PLCXD3: variants seen among roughly 807,000 people sequenced by gnomAD.
PLCXD3 encodes phosphatidylinositol specific phospholipase C X domain containing 3, also known as PI-PLC X domain-containing protein 3.
In PLCXD3, 19 loss-of-function variants were observed where a neutral mutation model predicts 25.5. That is an observed-to-expected ratio of 0.75 (90% confidence interval 0.52 to 1.09). PLCXD3 has a LOEUF of 1.09. Among genes scored for constraint, PLCXD3 ranks in the 50% least tolerant of loss-of-function variants. The probability of loss-of-function intolerance (pLI) is 0.00; values close to 1 mark genes in which losing one functional copy is unlikely to be tolerated. For missense variants in PLCXD3, 411 were observed against 388.1 expected (o/e 1.06, Z -0.50); for synonymous variants, 174 against 137.6 (o/e 1.26, Z -1.85).
At chr5:41,323,298 A>G (rs532380108) in intron 2 of PLCXD3, among the ~76,000 whole-genome samples, 1 of 152,350 alleles carries the variant, frequency 6.6e-6, no homozygotes, top group South Asian at 2.1e-4. Context: ...AATGAGATCT[A>G]TTTGATAGCA....
chr5:41,417,334 G>A (rs1352378374), intron 1 of PLCXD3, among the ~76,000 whole-genome samples: 7 of 152,192 alleles, frequency 4.6e-5, no homozygotes. Context: ...TAAGGTGATG[G>A]TGAGTGTCTT....
At chr5:41,399,985 C>T (rs1478625133) in intron 1 of PLCXD3, among the ~76,000 whole-genome samples, 1 of 152,038 alleles carries the variant, frequency 6.6e-6, no homozygotes, top group African/African-American at 2.4e-5. Flanking sequence ...GCTCAAACAG[C>T]TGTATAGGAA....
At chr5:41,469,202 A>G (rs147877765) in intron 1 of PLCXD3, among the ~76,000 whole-genome samples, 47 of 152,308 alleles carry the variant, frequency 3.1e-4, no homozygotes, top group African/African-American at 1.1e-3. Context: ...ATATTGAACC[A>G]TTTTTGCTTC....
intron 1 of PLCXD3, among the ~76,000 whole-genome samples, chr5:41,405,681 A>C (rs940489362): frequency 1.3e-5 from 2 of 152,172 alleles, no homozygotes; most frequent in African/African-American, 4.8e-5. Context: ...TCCATTGTTC[A>C]CATGAGATAT....
At chr5:41,487,059 G>A (rs1004796758) in intron 1 of PLCXD3, among the ~76,000 whole-genome samples, 3 of 151,816 alleles carry the variant, frequency 2.0e-5, no homozygotes, top group East Asian at 1.9e-4. Flanking sequence ...CTGAAGGCAC[G>A]GTCCAATCTA....
At chr5:41,362,481 A>G (rs1247453393) in intron 2 of PLCXD3, among the ~76,000 whole-genome samples, 1 of 152,198 alleles carries the variant, frequency 6.6e-6, no homozygotes, top group Non-Finnish European at 1.5e-5. Flanking sequence ...TGTTAGGAGG[A>G]CTGAAATAAG....
intron 1 of PLCXD3, among the ~76,000 whole-genome samples, chr5:41,404,509 T>C (rs1271414927): frequency 6.6e-6 from 1 of 152,162 alleles, no homozygotes; most frequent in East Asian, 1.9e-4. Context: ...AATTTAGGTT[T>C]GTAAATATTA....
intron 2 of PLCXD3, among the ~76,000 whole-genome samples, chr5:41,364,390 T>C (rs189872023): frequency 6.6e-6 from 1 of 152,322 alleles, no homozygotes; most frequent in East Asian, 1.9e-4. Flanking sequence ...TATTTTTCTT[T>C]GGTAATCAAA....
chr5:41,503,523 T>A (rs1748996563), intron 1 of PLCXD3, among the ~76,000 whole-genome samples: 1 of 152,142 alleles, frequency 6.6e-6, no homozygotes, highest in Non-Finnish European at 1.5e-5. Flanking sequence ...AGGTGACTAA[T>A]CCTGGCTGCT....
At chr5:41,400,264 T>C (rs531955146) in intron 1 of PLCXD3, among the ~76,000 whole-genome samples, 1 of 152,114 alleles carries the variant, frequency 6.6e-6, no homozygotes, top group Admixed American at 6.6e-5. Flanking sequence ...GCAACCACTA[T>C]GGAGAACAGT....
chr5:41,378,936 A>G (rs910952117), intron 2 of PLCXD3, among the ~76,000 whole-genome samples: 1 of 152,060 alleles, frequency 6.6e-6, no homozygotes, highest in Non-Finnish European at 1.5e-5. Flanking sequence ...CCTTGAGTAA[A>G]TTCTTCTTCT....
intron 1 of PLCXD3, among the ~76,000 whole-genome samples, chr5:41,430,227 T>A (rs1004758567): frequency 3.3e-5 from 5 of 152,220 alleles, no homozygotes; most frequent in African/African-American, 1.2e-4. Context: ...GTTCCTAGTA[T>A]ATAGAAAATG....
intron 2 of PLCXD3, among the ~76,000 whole-genome samples, chr5:41,360,464 G>C (rs1454674084): frequency 6.6e-6 from 1 of 152,104 alleles, no homozygotes; most frequent in Admixed American, 6.5e-5. Context: ...TGTTTTTCTG[G>C]TTCCTTCTCA....
intron 1 of PLCXD3, among the ~76,000 whole-genome samples, chr5:41,504,136 C>T (rs1749009464): frequency 6.6e-6 from 1 of 152,104 alleles, no homozygotes; most frequent in Non-Finnish European, 1.5e-5. Flanking sequence ...TACATTATCC[C>T]AGCCTGCTCA....
chr5:41,316,703 A>G (rs961894498), intron 2 of PLCXD3, among the ~76,000 whole-genome samples: 1 of 152,178 alleles, frequency 6.6e-6, no homozygotes, highest in Non-Finnish European at 1.5e-5. Context: ...TTAAGGGAAC[A>G]TCAGTGGTAG....
chr5:41,394,180 C>A (rs1302171535), intron 1 of PLCXD3, among the ~76,000 whole-genome samples: 1 of 152,038 alleles, frequency 6.6e-6, no homozygotes, highest in Non-Finnish European at 1.5e-5. Flanking sequence ...TATTAGTTTT[C>A]TTTCTGCTTG....
intron 2 of PLCXD3, among the ~76,000 whole-genome samples, chr5:41,360,287 T>C (rs1181551533): frequency 1.3e-5 from 2 of 152,212 alleles, no homozygotes; most frequent in Non-Finnish European, 2.9e-5. Flanking sequence ...TGATTTAAGT[T>C]GGACTTCACC....
chr5:41,483,862 C>T (rs910656672), intron 1 of PLCXD3, among the ~76,000 whole-genome samples: 2 of 151,962 alleles, frequency 1.3e-5, no homozygotes, highest in Non-Finnish European at 2.9e-5. Context: ...CCATTTTTGG[C>T]CCTCCCCTAT....
chr5:41,335,094 G>C lies in PLCXD3; in HGVS notation c.813-21324C>G, dbSNP rs575021725. Among the ~76,000 whole-genome samples, 7 of 152,082 alleles carry C rather than the reference G, an allele frequency of 4.6e-5. No homozygotes were observed. In the South Asian group the frequency reaches 6.2e-4, roughly 13 times the overall value. On this transcript the variant is annotated intron_variant, in intron 2 of 2. Transcript: ENST00000377801. ...GTTCTCACTTCACAGTTTCTTCCTC[G>C]GCACAAGTAGCCCCTCACTCAGTGC...
Sources: gnomAD v4.1 joint callset for allele counts (sites outside exome capture counted in the v4.1 genomes callset) on GRCh38, gnomAD v4.1.1 for gene constraint, MANE v1.5 for transcripts, NCBI Gene and HGNC (gene_info 2026-07-23, HGNC 2026-07-21) for gene names.